ARF1: variants seen among roughly 807,000 people sequenced by gnomAD.
ARF1 encodes ARF GTPase 1.
Under a neutral mutation model 18.0 loss-of-function variants are expected in ARF1, and 1 was observed. The observed-to-expected ratio is 0.06, with a 90% CI of 0.02 to 0.26. The LOEUF (loss-of-function observed/expected upper bound fraction) is 0.26. Ranked by LOEUF, ARF1 falls within the 10% of genes least tolerant of loss-of-function variation. The probability of loss-of-function intolerance (pLI) is 1.00; values close to 1 mark genes in which losing one functional copy is unlikely to be tolerated. For synonymous variants in ARF1, 112 were observed against 96.3 expected (o/e 1.16, Z -0.95); for missense variants, 73 against 247.2 (o/e 0.30, Z 4.73).
chr1:228,095,709 A>G (rs925252217), intron 1 of ARF1, among the ~76,000 whole-genome samples: 5 of 152,078 alleles, frequency 3.3e-5, no homozygotes, highest in African/African-American at 9.7e-5. Context: ...CATCACATCC[A>G]AGGTCTTCCT....
chr1:228,088,924 A>G (rs1163951216), intron 1 of ARF1, among the ~76,000 whole-genome samples: 1 of 152,170 alleles, frequency 6.6e-6, no homozygotes, highest in Non-Finnish European at 1.5e-5. Context: ...TTGTGGACCA[A>G]GGCAGCCTAT....
In ARF1 at chr1:228,097,483, C is replaced by G; in HGVS notation, c.259+31C>G. Reference sequence around the variant, plus strand: ...TGGCTGGGGCCTGGTCCCATGGGCACTCCTGCTTCTAGAGAGGGGGGGCCA... The same window carrying G: ...TGGCTGGGGCCTGGTCCCATGGGCAGTCCTGCTTCTAGAGAGGGGGGGCCA... On this transcript the variant is annotated intron_variant, in intron 3 of 4. Transcript: ENST00000272102. This position sits in a 1 kb window ranked among gnomAD's most constrained non-coding sequence, Gnocchi z 8.1. 1.2e-6 allele frequency: 2 copies of G among 1,613,658 alleles called. No individual in the cohort carries two copies. Among genetic ancestry groups the G allele is most frequent in the Non-Finnish European group, 1.7e-6 (2 of 1,179,768 alleles).
In ARF1 at chr1:228,097,257, C is replaced by A; in HGVS notation, c.143C>A (p.Thr48Asn). 2 of 1,610,538 alleles carry A rather than the reference C, an allele frequency of 1.2e-6. No individual in the cohort carries two copies. The highest frequency in any genetic ancestry group is 8.5e-7 in the Non-Finnish European group (1 of 1,177,816). Residue 48 changes from threonine (T) to asparagine (N), a missense_variant, in exon 2 of 5, where the codon ACC becomes AAC. Physicochemically the swap from Thr to Asn is moderately conservative, Grantham distance 65. Transcript: ENST00000272102. This position sits in a 1 kb window ranked among gnomAD's most constrained non-coding sequence, Gnocchi z 8.1. ...KLGEIVTTIP[T>N]IGFNVETVEY... is the part of the protein sequence containing the mutation. Reference sequence around the variant, plus strand: ...GGTGAGATCGTGACCACCATTCCCACCATAGGTGAGGTGGGGGCCAGCAGG... The same window carrying A: ...GGTGAGATCGTGACCACCATTCCCAACATAGGTGAGGTGGGGGCCAGCAGG...
Position 228,098,123 on chromosome 1 carries a change from T to C in ARF1, c.*110T>C. Reference sequence around the variant, plus strand: ...AGCTGCCTCCGTGGTTTGGTCACCGTGTGCATCGCACCGTGCTGTAAATGT... The same window carrying C: ...AGCTGCCTCCGTGGTTTGGTCACCGCGTGCATCGCACCGTGCTGTAAATGT... On this transcript the variant is annotated 3_prime_UTR_variant, in exon 5 of 5. Coordinates refer to ENST00000272102, the MANE Select transcript of ARF1 (RefSeq NM_001658.4). 1 of 1,345,580 alleles carries C rather than the reference T, an allele frequency of 7.4e-7. No individual in the cohort carries two copies. Among genetic ancestry groups the C allele is most frequent in the Non-Finnish European group, 1.0e-6 (1 of 984,164 alleles). The allele number at this position is 1,345,580 out of a possible 1,614,324, so 83.4% of individuals were successfully genotyped here.
chr1:228,087,669 G>A (rs933414491), intron 1 of ARF1, among the ~76,000 whole-genome samples: 2 of 152,146 alleles, frequency 1.3e-5, no homozygotes, highest in African/African-American at 4.8e-5. Flanking sequence ...CTACTCATCA[G>A]CTGAGGACCT....
chr1:228,088,949 C>A (rs992680917), intron 1 of ARF1, among the ~76,000 whole-genome samples: 1 of 152,128 alleles, frequency 6.6e-6, no homozygotes, highest in African/African-American at 2.4e-5. Flanking sequence ...AGGACCTGAT[C>A]GGGCGGCAGC....
In ARF1 at chr1:228,098,353, G is replaced by A. The variant is rs544263833; in HGVS notation, c.*340G>A. 4 of 198,824 alleles carry A rather than the reference G, an allele frequency of 2.0e-5. No individual in the cohort carries two copies. In the South Asian group the frequency reaches 4.6e-4, roughly 23 times the overall value. The allele number at this position is 198,824 out of a possible 1,614,324, so 12.3% of individuals were successfully genotyped here. A position where few individuals can be genotyped will look rare whatever the true frequency, so the allele number is the denominator to read the frequency against. On this transcript the variant is annotated 3_prime_UTR_variant, in exon 5 of 5. Coordinates refer to ENST00000272102, the MANE Select transcript of ARF1 (RefSeq NM_001658.4). ...TCGCTGTGTTGGGAGAGCCGGCCAC[G>A]CCCTTGGCTTTAGAGCTGTGTTGAA...
intron 1 of ARF1, among the ~76,000 whole-genome samples, chr1:228,093,624 TAAA>T (rs11420776): frequency 1.9e-4 from 27 of 138,768 alleles, no homozygotes; most frequent in African/African-American, 6.8e-4. Flanking sequence ...TTTGGTCTGT[TAAA>T]AAAAAAAAAA....
chr1:228,084,135 T>C (rs2032316616), intron 1 of ARF1, among the ~76,000 whole-genome samples: 1 of 152,222 alleles, frequency 6.6e-6, no homozygotes, highest in Non-Finnish European at 1.5e-5. Context: ...TGCTGTTGCG[T>C]TAGCCATTGT....
intron 1 of ARF1, among the ~76,000 whole-genome samples, chr1:228,095,117 T>C (rs2032699862): frequency 6.6e-6 from 1 of 152,252 alleles, no homozygotes; most frequent in Non-Finnish European, 1.5e-5. Flanking sequence ...TTTTGAATTT[T>C]CCTTTTCAGC....
At chr1:228,095,855 A>G (rs2032727704) in intron 1 of ARF1, among the ~76,000 whole-genome samples, 1 of 152,218 alleles carries the variant, frequency 6.6e-6, no homozygotes, top group Non-Finnish European at 1.5e-5. Flanking sequence ...CTGGGCTTAG[A>G]AAACCTGGCC....
At chr1:228,096,985 G>A in intron 1 of ARF1, 93 bp from the exon 2 acceptor site, 1 of 1,163,990 alleles carries the variant, frequency 8.6e-7, no homozygotes, top group Non-Finnish European at 1.2e-6. Flanking sequence ...CCAGGAGGTG[G>A]GGTGAGGCAG....
chr1:228,087,318 T>C (rs1173662836), intron 1 of ARF1, among the ~76,000 whole-genome samples: 4 of 152,232 alleles, frequency 2.6e-5, no homozygotes, highest in African/African-American at 7.2e-5. Flanking sequence ...TCTATACTCA[T>C]CCTGGGGATT....
intron 1 of ARF1, among the ~76,000 whole-genome samples, chr1:228,095,547 C>G (rs1428843410): frequency 2.6e-5 from 4 of 152,186 alleles, no homozygotes; most frequent in Non-Finnish European, 5.9e-5. Context: ...GTTTGGTTCA[C>G]CAGCTGTTGT....
At position 228,097,797 on chromosome 1, in the gene ARF1, G is replaced by C; in HGVS notation, c.385-55G>C. The C allele has an allele frequency of 1.9e-6, 3 of 1,588,928 alleles. No homozygotes were observed. In the South Asian group the frequency reaches 3.4e-5, roughly 18 times the overall value. ...GGTAGGGGTTACTGGAGGCTGGTGG[G>C]GCCCCTTTCTCTGTCCTGTGGACAG... On this transcript the variant is annotated intron_variant, in intron 4 of 4. Coordinates refer to ENST00000272102, the MANE Select transcript of ARF1 (RefSeq NM_001658.4). The surrounding 1 kb of genome is among the most constrained non-coding windows in gnomAD (Gnocchi z 8.1).
intron 1 of ARF1, among the ~76,000 whole-genome samples, chr1:228,084,196 C>G (rs983280282): frequency 6.6e-6 from 1 of 152,188 alleles, no homozygotes; most frequent in African/African-American, 2.4e-5. Flanking sequence ...TGAATTTTCA[C>G]CAGCACTGCC....
intron 1 of ARF1, among the ~76,000 whole-genome samples, chr1:228,094,924 C>T (rs1014074947): frequency 9.9e-5 from 15 of 152,166 alleles, no homozygotes; most frequent in South Asian, 4.1e-4. Context: ...CTTGGCTTTG[C>T]GCTTCAGCCC....
chr1:228,092,994 A>G (rs1571840348), intron 1 of ARF1, among the ~76,000 whole-genome samples: 1 of 152,172 alleles, frequency 6.6e-6, no homozygotes, highest in Admixed American at 6.5e-5. Context: ...CTGAAGAAAG[A>G]AACATTCTTC....
chr1:228,092,960 T>G (rs749195040), intron 1 of ARF1, among the ~76,000 whole-genome samples: 27 of 152,206 alleles, frequency 1.8e-4, no homozygotes, highest in Non-Finnish European at 3.4e-4. Flanking sequence ...GAAGGCCACC[T>G]TTACCATTGG....
Sources: allele counts gnomAD v4.1 joint callset (sites outside exome capture counted in the v4.1 genomes callset), GRCh38; gene constraint gnomAD v4.1.1; non-coding constraint Gnocchi (gnomAD v3.1); transcripts MANE v1.5; gene names NCBI Gene and HGNC (gene_info 2026-07-23, HGNC 2026-07-21).